Variants in SDK1 observed in about 807,000 individuals in gnomAD.
SDK1 encodes the protein protein sidekick-1.
A neutral mutation model predicts 245.5 loss-of-function variants in SDK1; 157 were observed. That is an observed-to-expected ratio of 0.64 (90% CI 0.56 to 0.73). The LOEUF (loss-of-function observed/expected upper bound fraction) is 0.73, where lower values mean the gene tolerates loss of function less well. Among genes scored for constraint, SDK1 ranks in the 30% least tolerant of loss-of-function variants. The pLI, the probability that SDK1 is intolerant of heterozygous loss-of-function variation, is 0.00. For synonymous variants in SDK1, 1,647 were observed against 1,278.5 expected (o/e 1.29, Z -6.15); for missense variants, 3,583 against 3,002.3 (o/e 1.19, Z -4.52).
intron 4 of SDK1, among the ~76,000 whole-genome samples, chr7:3,760,287 C>G (rs1047074056): frequency 6.6e-6 from 1 of 152,124 alleles, no homozygotes; most frequent in Non-Finnish European, 1.5e-5. Context: ...TTTCAGATGA[C>G]CACAGTTACA....
chr7:3,471,728 C>T (rs1413634298), intron 1 of SDK1, among the ~76,000 whole-genome samples: 2 of 152,132 alleles, frequency 1.3e-5, no homozygotes, highest in Non-Finnish European at 2.9e-5. Context: ...GAAAATACTG[C>T]TTTTCTTAGC....
At chr7:3,537,118 T>C (rs1441765102) in intron 1 of SDK1, among the ~76,000 whole-genome samples, 1 of 152,214 alleles carries the variant, frequency 6.6e-6, no homozygotes, top group African/African-American at 2.4e-5. Context: ...ATCCCTGTTA[T>C]CCCTCTTAAA....
intron 13 of SDK1, among the ~76,000 whole-genome samples, chr7:3,980,403 C>G (rs910265663): frequency 6.6e-6 from 1 of 152,226 alleles, no homozygotes; most frequent in African/African-American, 2.4e-5. Flanking sequence ...CTGGGCTTCG[C>G]TTCCATTGTT....
At chr7:3,813,035 A>T (rs1159678616) in intron 4 of SDK1, among the ~76,000 whole-genome samples, 1 of 152,212 alleles carries the variant, frequency 6.6e-6, no homozygotes, top group African/African-American at 2.4e-5. Flanking sequence ...CACTCTGGCG[A>T]CTTAACATGT....
At chr7:3,433,148 C>T (rs937484677) in intron 1 of SDK1, among the ~76,000 whole-genome samples, 6 of 152,132 alleles carry the variant, frequency 3.9e-5, no homozygotes, top group African/African-American at 1.2e-4. Context: ...TGTGACAGTA[C>T]GGTGTTTAGC....
intron 1 of SDK1, among the ~76,000 whole-genome samples, chr7:3,567,609 C>G (rs1440281858): frequency 1.3e-5 from 2 of 152,144 alleles, no homozygotes; most frequent in Admixed American, 1.3e-4. Flanking sequence ...GGTAAATGTG[C>G]TTAACTTTTG....
chr7:4,262,215 T>G (rs1408051005), intron 44 of SDK1, among the ~76,000 whole-genome samples: 1 of 150,968 alleles, frequency 6.6e-6, no homozygotes, highest in East Asian at 2.0e-4. Flanking sequence ...ATTTTTGTAT[T>G]TTTAGCAGAG....
At chr7:3,620,214 G>C (rs1474102804) in intron 2 of SDK1, among the ~76,000 whole-genome samples, 1 of 151,986 alleles carries the variant, frequency 6.6e-6, no homozygotes, top group East Asian at 1.9e-4. Flanking sequence ...ACCACACTCA[G>C]CCTGCCCAGA....
At chr7:4,020,393 G>A (rs142053120) in intron 17 of SDK1, among the ~76,000 whole-genome samples, 43 of 152,274 alleles carry the variant, frequency 2.8e-4, no homozygotes, top group Admixed American at 1.4e-3. Flanking sequence ...CCACGCTGCC[G>A]CTGAACAGAA....
chr7:3,381,048 C>CA (rs1246679333), intron 1 of SDK1, among the ~76,000 whole-genome samples: 4 of 152,118 alleles, frequency 2.6e-5, no homozygotes, highest in African/African-American at 9.7e-5. Flanking sequence ...CTTGCTGTGT[C>CA]AGCTGCAGGA....
chr7:3,908,247 C>T (rs929654778), intron 5 of SDK1, among the ~76,000 whole-genome samples: 27 of 152,160 alleles, frequency 1.8e-4, no homozygotes, highest in African/African-American at 6.5e-4. Context: ...CGTTGGGCTG[C>T]AAACAGTGAA....
At chr7:3,834,222 T>G (rs976111281) in intron 5 of SDK1, among the ~76,000 whole-genome samples, 4 of 152,212 alleles carry the variant, frequency 2.6e-5, no homozygotes, top group African/African-American at 9.6e-5. Flanking sequence ...ACACTCAGAC[T>G]ACAGTTCTGC....
chr7:4,176,577 G>A (rs367587914), intron 34 of SDK1, among the ~76,000 whole-genome samples: 20 of 152,258 alleles, frequency 1.3e-4, no homozygotes, highest in African/African-American at 4.6e-4. Flanking sequence ...TTATGCAGCC[G>A]TCACCATCAT....
At chr7:3,360,473 C>T (rs4236326) in intron 1 of SDK1, among the ~76,000 whole-genome samples, 81,030 of 152,064 alleles carry the variant, frequency 0.53, 23,019 homozygotes, top group African/African-American at 0.74. Context: ...TGAAGTGTTA[C>T]ATGAATTTGT....
chr7:3,905,704 C>A (rs1778883278), intron 5 of SDK1, among the ~76,000 whole-genome samples: 2 of 151,982 alleles, frequency 1.3e-5, no homozygotes, highest in African/African-American at 2.4e-5. Flanking sequence ...CTCACTGTAA[C>A]CCCGAACTCC....
At chr7:3,970,618 A>G (rs1782419382) in intron 11 of SDK1, among the ~76,000 whole-genome samples, 1 of 152,264 alleles carries the variant, frequency 6.6e-6, no homozygotes, top group Non-Finnish European at 1.5e-5. Context: ...CATTCGCCAG[A>G]AAATTTTGTG....
At chr7:3,507,683 T>C (rs1782435147) in intron 1 of SDK1, among the ~76,000 whole-genome samples, 1 of 152,166 alleles carries the variant, frequency 6.6e-6, no homozygotes, top group Admixed American at 6.5e-5. Flanking sequence ...TTAGTAGCCA[T>C]TTACTGAGTG....
chr7:3,952,745 C>T (rs1004105295), intron 7 of SDK1, among the ~76,000 whole-genome samples: 3 of 151,214 alleles, frequency 2.0e-5, no homozygotes, highest in Admixed American at 6.6e-5. Context: ...ACATATTATT[C>T]CTGAACCAAG....
intron 1 of SDK1, among the ~76,000 whole-genome samples, chr7:3,549,223 G>A (rs1474593731): frequency 2.0e-5 from 3 of 152,212 alleles, no homozygotes; most frequent in Non-Finnish European, 4.4e-5. Flanking sequence ...TCCGAAGGCT[G>A]TGAAATGTGA....
Sources: allele counts gnomAD v4.1 joint callset (sites outside exome capture counted in the v4.1 genomes callset), GRCh38; gene constraint gnomAD v4.1.1; transcripts MANE v1.5; gene names NCBI Gene and HGNC (gene_info 2026-07-23, HGNC 2026-07-21).